EPM2A: variants seen among roughly 807,000 people sequenced by gnomAD.
EPM2A encodes laforin.
EPM2A carries 21 observed loss-of-function variants against 26.5 expected under a neutral mutation model. That is an observed-to-expected ratio of 0.79 (90% CI 0.56 to 1.14). The LOEUF (loss-of-function observed/expected upper bound fraction) is 1.14. EPM2A is among the 50% of genes most tolerant of loss of function. EPM2A has a pLI of 0.00. For synonymous variants in EPM2A, 217 were observed against 177.6 expected (o/e 1.22, Z -1.76); for missense variants, 458 against 440.8 (o/e 1.04, Z -0.35).
At chr6:145,681,415 T>G (rs1192877963) in intron 2 of EPM2A, among the ~76,000 whole-genome samples, 1 of 150,888 alleles carries the variant, frequency 6.6e-6, no homozygotes, top group African/African-American at 2.4e-5. Context: ...CATTTGTCAA[T>G]TTTGGCTTTT....
chr6:145,395,257 A>G (rs1200054807), intron 4 of EPM2A, among the ~76,000 whole-genome samples: 1 of 152,094 alleles, frequency 6.6e-6, no homozygotes, highest in Admixed American at 6.6e-5. Context: ...CCCCTATTTG[A>G]ACCTCACAAG....
At chr6:145,722,663 C>T in intron 1 of EPM2A, 1 of 394,332 alleles carries the variant, frequency 2.5e-6, no homozygotes, top group South Asian at 1.9e-5. Context: ...CCCCAAAATT[C>T]ATATAAAAGT....
At chr6:145,632,725 T>C (rs532728905) in intron 3 of EPM2A, among the ~76,000 whole-genome samples, 1 of 152,268 alleles carries the variant, frequency 6.6e-6, no homozygotes, top group South Asian at 2.1e-4. Flanking sequence ...CCAACTGGGT[T>C]TTTCTCTAGA....
intron 2 of EPM2A, among the ~76,000 whole-genome samples, chr6:145,618,778 T>C (rs1255019677): frequency 6.6e-6 from 1 of 152,234 alleles, no homozygotes; most frequent in East Asian, 1.9e-4. Context: ...AACAGACTAA[T>C]ACAATGTCAC....
Position 145,667,579 on chromosome 6 carries a change from G to C in EPM2A, c.476+18543C>G, listed in dbSNP as rs1779304000. ...ACACTGTTGGTGGGACTGTAAACTAGTTCAACCCTTGTGGAAGTCAGTGTG... is the reference window on the plus strand; with the variant it reads ...ACACTGTTGGTGGGACTGTAAACTACTTCAACCCTTGTGGAAGTCAGTGTG... On this transcript the variant is annotated intron_variant, in intron 2 of 3. Coordinates refer to ENST00000367519, the MANE Select transcript of EPM2A (RefSeq NM_005670.4). Among the ~76,000 whole-genome samples the C allele has an allele frequency of 7.9e-5, 12 of 151,576 alleles. No individual in the cohort carries two copies. In the South Asian group the frequency reaches 2.5e-3, roughly 31 times the overall value.
intron 2 of EPM2A, among the ~76,000 whole-genome samples, chr6:145,617,002 G>A (rs934968457): frequency 6.6e-6 from 1 of 152,116 alleles, no homozygotes; most frequent in African/African-American, 2.4e-5. Context: ...GGTGACTGCT[G>A]GGAGGGCATC....
rs535655888 is a variant in EPM2A, at chr6:145,514,170, C to T, written c.341-11595G>A. On this transcript the variant is annotated intron_variant, in intron 2 of 3. Coordinates refer to the EPM2A transcript ENST00000450221. ...AGTCTAAAAAATGTAGTGGAGTATG[C>T]GGATATTTGATGAGAATGGAATATC... Among the ~76,000 whole-genome samples the T allele has an allele frequency of 5.3e-5, 8 of 152,212 alleles. No individual in the cohort carries two copies. The East Asian group carries it at 9.7e-4, about 18-fold the overall frequency.
intron 4 of EPM2A, among the ~76,000 whole-genome samples, chr6:145,395,738 T>C (rs754827176): frequency 6.6e-6 from 1 of 152,160 alleles, no homozygotes; most frequent in Admixed American, 6.5e-5. Flanking sequence ...ACTGCTTTTA[T>C]AGACATCCTT....
intron 4 of EPM2A, among the ~76,000 whole-genome samples, chr6:145,481,998 G>A (rs922204540): frequency 6.6e-6 from 1 of 151,450 alleles, no homozygotes; most frequent in African/African-American, 2.4e-5. Flanking sequence ...TGACTCAACA[G>A]AAAAATCTAC....
In EPM2A at chr6:145,554,439, G is replaced by GATAGAT. The variant is rs1229240726; in HGVS notation, c.341-51870_341-51865dup. On this transcript the variant is annotated intron_variant, in intron 2 of 3. Coordinates refer to the EPM2A transcript ENST00000450221. ...TAGATAGATGATAGATAGATAGATAGATAGATAGATAGATAGATAGATAGA... is the reference window on the plus strand; with the variant it reads ...TAGATAGATGATAGATAGATAGATAGATAGATATAGATAGATAGATAGATAGATAGA... Among the ~76,000 whole-genome samples the GATAGAT allele has an allele frequency of 4.6e-4, 67 of 145,464 alleles. No individual in the cohort carries two copies. In the South Asian group the frequency reaches 0.01, roughly 22 times the overall value.
intron 2 of EPM2A, chr6:145,670,859 C>G: frequency 2.1e-6 from 2 of 973,082 alleles, no homozygotes; most frequent in Non-Finnish European, 2.4e-6. Context: ...AAAAAAGGTA[C>G]TCTTAGAGAA....
At chr6:145,452,688 C>CAAA (rs770537287) in intron 4 of EPM2A, among the ~76,000 whole-genome samples, 1 of 103,288 alleles carries the variant, frequency 9.7e-6, no homozygotes, top group Non-Finnish European at 2.1e-5. Flanking sequence ...GACTCTGTCT[C>CAAA]AAAAAAAAAA....
downstream of EPM2A, among the ~76,000 whole-genome samples, chr6:145,621,892 C>T (rs1430091016): frequency 2.0e-5 from 3 of 152,034 alleles, no homozygotes; most frequent in Admixed American, 6.6e-5. Context: ...GTGTAGGTTG[C>T]CTTTTCATTT....
chr6:145,582,541 C>G (rs1244271217), intron 2 of EPM2A, among the ~76,000 whole-genome samples: 1 of 152,152 alleles, frequency 6.6e-6, no homozygotes, highest in African/African-American at 2.4e-5. Flanking sequence ...TAATGGGGTT[C>G]CCTTTGTAAG....
At chr6:145,531,642 C>T (rs1780356605) in intron 2 of EPM2A, among the ~76,000 whole-genome samples, 2 of 152,124 alleles carry the variant, frequency 1.3e-5, no homozygotes, top group African/African-American at 4.8e-5. Context: ...CAATGCATCA[C>T]ACCATACTAT....
intron 2 of EPM2A, among the ~76,000 whole-genome samples, chr6:145,522,490 C>T (rs890887212): frequency 6.6e-6 from 1 of 152,086 alleles, no homozygotes; most frequent in African/African-American, 2.4e-5. Context: ...CTTCCCTTAC[C>T]AACAACATTA....
In EPM2A at chr6:145,618,789, G is replaced by A. The variant is rs148882157; in HGVS notation, c.340+16456C>T. 3.2e-4 allele frequency among the ~76,000 whole-genome samples: 48 copies of A among 152,270 alleles called. 1 individual carries two copies. The East Asian group carries it at 6.4e-3, about 20-fold the overall frequency. On this transcript the variant is annotated intron_variant, in intron 2 of 3. Transcript: ENST00000450221. ...TGAGAACAGACTAATACAATGTCAC[G>A]TTAAGGATTTTTTACTTTTTTCTGA...
chr6:145,698,610 GA>G (rs200938162), intron 1 of EPM2A, among the ~76,000 whole-genome samples: 80,082 of 145,002 alleles, frequency 0.55, 21,912 homozygotes, highest in East Asian at 0.68. Flanking sequence ...AAACATAATA[GA>G]AAAAAAAAAA....
At chr6:145,527,921 T>A (rs1780300570) in intron 2 of EPM2A, among the ~76,000 whole-genome samples, 1 of 151,934 alleles carries the variant, frequency 6.6e-6, no homozygotes, top group Non-Finnish European at 1.5e-5. Flanking sequence ...AAACTAAAAA[T>A]GCTACTCCAG....
Sources: allele counts gnomAD v4.1 joint callset (sites outside exome capture counted in the v4.1 genomes callset), GRCh38; gene constraint gnomAD v4.1.1; transcripts MANE v1.5; gene names NCBI Gene and HGNC (gene_info 2026-07-23, HGNC 2026-07-21).